The following C8B variants were observed in gnomAD, a reference collection of about 807,000 sequenced individuals.
The protein encoded by C8B is complement component C8 beta chain.
A neutral mutation model predicts 64.6 loss-of-function variants in C8B; 67 were observed. The ratio of observed to expected loss-of-function variants is 1.04; its 90% CI spans 0.85 to 1.27. The LOEUF (loss-of-function observed/expected upper bound fraction) is 1.27. C8B is among the 50% of genes most tolerant of loss of function. The pLI, the probability that C8B is intolerant of heterozygous loss-of-function variation, is 0.00. For missense variants in C8B, 790 were observed against 725.2 expected (o/e 1.09, Z -1.03); for synonymous variants, 284 against 257.7 (o/e 1.10, Z -0.98).
intron 11 of C8B, among the ~76,000 whole-genome samples, chr1:56,931,222 C>T (rs1644696484): frequency 6.6e-6 from 1 of 152,160 alleles, no homozygotes; most frequent in African/African-American, 2.4e-5. Flanking sequence ...TGGAAGGGAT[C>T]TTAATGATAG....
At chr1:56,934,145 T>G (rs1644742320) in intron 9 of C8B, among the ~76,000 whole-genome samples, 1 of 140,214 alleles carries the variant, frequency 7.1e-6, no homozygotes, top group South Asian at 2.4e-4. Flanking sequence ...ACTGTCTTTT[T>G]TTTTTTATGT....
chr1:56,963,884 CA>C (rs1280724269), intron 1 of C8B: 2 of 985,344 alleles, frequency 2.0e-6, no homozygotes, highest in Non-Finnish European at 2.4e-6. Context: ...GACTTGATTA[CA>C]AGAGTAAGTA....
intron 8 of C8B, among the ~76,000 whole-genome samples, chr1:56,941,645 GAGCCC>G (rs1557731603): frequency 6.6e-6 from 1 of 152,160 alleles, no homozygotes; most frequent in Non-Finnish European, 1.5e-5. Context: ...GCAATTTTAG[GAGCCC>G]AGCATTATTA....
At chr1:56,949,503 G>T in intron 6 of C8B, 52 bp downstream of exon 6, 1 of 1,476,122 alleles carries the variant, frequency 6.8e-7, no homozygotes, top group Non-Finnish European at 9.5e-7. Context: ...TACAGCAGCA[G>T]AAAATGGAGT....
At chr1:56,959,697 G>A in intron 2 of C8B, 5 of 1,284,602 alleles carry the variant, frequency 3.9e-6, no homozygotes, top group Middle Eastern at 2.1e-4. Context: ...TTCCAAGTGG[G>A]CAAAGACAAC....
In C8B at chr1:56,960,206, C is replaced by T. The variant is rs113214180; in HGVS notation, c.93-30G>A. On this transcript the variant is annotated intron_variant, in intron 1 of 11. Coordinates refer to ENST00000371237, the MANE Select transcript of C8B (RefSeq NM_000066.4). ...AAGTCATTATGAGAGAAGAGAGTCACGTATCAGAAGGGAATTAAGTATACA... is the reference window on the plus strand; with the variant it reads ...AAGTCATTATGAGAGAAGAGAGTCATGTATCAGAAGGGAATTAAGTATACA... 9,098 of 1,606,004 alleles carry T rather than the reference C, an allele frequency of 5.7e-3. 443 individuals are homozygous for T. In the African/African-American group the frequency reaches 0.11, roughly 19 times the overall value.
intron 1 of C8B, among the ~76,000 whole-genome samples, chr1:56,963,349 C>A (rs1645204993): frequency 1.3e-5 from 2 of 152,182 alleles, no homozygotes; most frequent in African/African-American, 4.8e-5. Context: ...GACACAACAA[C>A]TTTCTTGTCA....
intron 2 of C8B, chr1:56,959,800 T>G: frequency 1.4e-6 from 1 of 732,786 alleles, no homozygotes; most frequent in Non-Finnish European, 2.2e-6. Context: ...AGGAAGCTAG[T>G]AGAGTGAGAA....
chr1:56,940,969 C>G lies in C8B; in HGVS notation c.1278G>C (p.Leu426=). ...TGTGCTCACTTGCCCCTCCTCGTAC[C>G]AGGACCACCAAGTCCTCCACCATGG... The part of the protein sequence containing the change: ...RDTMVEDLVV[L]VRGGASEHIT... The change falls in exon 9 of 12, where the codon CTG becomes CTC. Residue 426 remains leucine (L), a synonymous_variant. Transcript: ENST00000371237. 1 of 1,613,876 alleles carries G rather than the reference C, an allele frequency of 6.2e-7. No homozygotes were observed. Among genetic ancestry groups the G allele is most frequent in the Non-Finnish European group, 8.5e-7 (1 of 1,179,954 alleles).
rs750233228 is a variant in C8B at position 56,954,811 on chromosome 1, G to A, written c.408C>T (p.Arg136=). 6.2e-7 allele frequency: 1 copy of A among 1,614,136 alleles called. No homozygotes were observed. The highest frequency in any genetic ancestry group is 1.7e-5 in the Admixed American group (1 of 60,018). Residue 136 remains arginine, a synonymous_variant, in exon 4 of 12, where the codon CGC becomes CGT. Transcript: ENST00000371237. ...VCAQTGRCVN[R]RLLCNGDNDC... ...CATTGTCCCCATTGCAAAGAAGTCTGCGGTTTACACACCTTCCTAGAATGG... is the reference window on the plus strand; with the variant it reads ...CATTGTCCCCATTGCAAAGAAGTCTACGGTTTACACACCTTCCTAGAATGG...
At chr1:56,937,060 G>C (rs1644785951) in intron 9 of C8B, among the ~76,000 whole-genome samples, 1 of 152,172 alleles carries the variant, frequency 6.6e-6, no homozygotes, top group South Asian at 2.1e-4. Flanking sequence ...TTTGAGAAAG[G>C]TATGAGGGTC....
chr1:56,944,264 A>G (rs1644909917), intron 7 of C8B, among the ~76,000 whole-genome samples: 1 of 152,070 alleles, frequency 6.6e-6, no homozygotes, highest in Non-Finnish European at 1.5e-5. Flanking sequence ...AAAGTAAGGC[A>G]TAGTATCTGG....
chr1:56,965,714 T>C (rs1645245863), intron 1 of C8B, 143 bp downstream of exon 1: 3 of 820,462 alleles, frequency 3.7e-6, no homozygotes, highest in South Asian at 2.9e-5. Flanking sequence ...GAGTTGTTGA[T>C]AGTATGTTAT....
chr1:56,949,101 T>A (rs1049706621), intron 6 of C8B, among the ~76,000 whole-genome samples: 1 of 152,140 alleles, frequency 6.6e-6, no homozygotes, highest in Non-Finnish European at 1.5e-5. Flanking sequence ...TTGGGGCATG[T>A]CATTTCCAAA....
At chr1:56,951,159 C>T (rs1645015496) in intron 5 of C8B, among the ~76,000 whole-genome samples, 1 of 152,128 alleles carries the variant, frequency 6.6e-6, no homozygotes, top group Non-Finnish European at 1.5e-5. Flanking sequence ...CTCACTGTAG[C>T]CTCAACCTCC....
intron 9 of C8B, among the ~76,000 whole-genome samples, chr1:56,939,517 G>A (rs541424791): frequency 6.6e-6 from 1 of 152,318 alleles, no homozygotes; most frequent in South Asian, 2.1e-4. Flanking sequence ...GATCTCCAGT[G>A]AGTAGGTACT....
intron 7 of C8B, among the ~76,000 whole-genome samples, chr1:56,944,976 C>T (rs1414986884): frequency 1.3e-5 from 2 of 152,144 alleles, no homozygotes; most frequent in East Asian, 3.8e-4. Context: ...GCTGGGATAT[C>T]TCTATGAAGA....
intron 2 of C8B, 50 bp from the exon 3 acceptor site, chr1:56,956,960 G>A: frequency 6.2e-7 from 1 of 1,602,464 alleles, no homozygotes; most frequent in Non-Finnish European, 8.5e-7. Context: ...TTAGATCTCA[G>A]GAGCTGAGGG....
Position 56,929,573 on chromosome 1 carries a change from G to A in C8B, c.1622-15C>T, listed in dbSNP as rs768026364. On this transcript the variant is annotated splice_polypyrimidine_tract_variant and intron_variant, in intron 11 of 11. Transcript: ENST00000371237. Reference sequence around the variant, plus strand: ...AATGGGGGTATCTATAAGAAAGAAGGTCAATAAGCATCAATCAGCACTTCT... The same window carrying A: ...AATGGGGGTATCTATAAGAAAGAAGATCAATAAGCATCAATCAGCACTTCT... 1 of 1,612,648 alleles carries A rather than the reference G, an allele frequency of 6.2e-7. No individual in the cohort carries two copies. Among genetic ancestry groups the A allele is most frequent in the East Asian group, 2.2e-5 (1 of 44,840 alleles).
Sources: allele counts gnomAD v4.1 joint callset (sites outside exome capture counted in the v4.1 genomes callset), GRCh38; gene constraint gnomAD v4.1.1; transcripts MANE v1.5; gene names NCBI Gene and HGNC (gene_info 2026-07-23, HGNC 2026-07-21).